Variants in BBC3 observed in about 807,000 individuals in gnomAD.
BBC3 encodes BCL2 binding component 3.
Under a neutral mutation model 18.2 loss-of-function variants are expected in BBC3, and 5 were observed. That is an observed-to-expected ratio of 0.27 (90% confidence interval 0.14 to 0.58). The LOEUF is 0.58. Among genes scored for constraint, BBC3 ranks in the 20% least tolerant of loss-of-function variants. The pLI is 0.91. For missense variants in BBC3, 224 were observed against 268.9 expected (o/e 0.83, Z 1.17); for synonymous variants, 119 against 128.0 (o/e 0.93, Z 0.47).
chr19:47,224,983 C>G (rs944366560), intron 3 of BBC3, among the ~76,000 whole-genome samples: 1 of 151,968 alleles, frequency 6.6e-6, no homozygotes, highest in Non-Finnish European at 1.5e-5. Flanking sequence ...ACGATCTCGG[C>G]TCACCGCAAC....
At position 47,221,474 on chromosome 19, in the gene BBC3, A is replaced by C. The variant is rs1353263997; in HGVS notation, c.*328T>G. On this transcript the variant is annotated 3_prime_UTR_variant, in exon 4 of 4. Coordinates refer to ENST00000439096, the MANE Select transcript of BBC3 (RefSeq NM_014417.5). ...CTGCAGCTGGAACGGGCACCAGCAC[A>C]ACAGCCTTTCCTGAGATGGTGGTGG... is the stretch of plus-strand genomic sequence containing the variant. 7.4e-6 allele frequency: 2 copies of C among 270,480 alleles called. No individual in the cohort carries two copies. Among genetic ancestry groups the C allele is most frequent in the South Asian group, 4.3e-5 (1 of 23,152 alleles). The allele number at this position is 270,480 out of a possible 1,614,324, so 16.8% of individuals were successfully genotyped here. A position where few individuals can be genotyped will look rare whatever the true frequency, so the allele number is the denominator to read the frequency against.
In BBC3 at chr19:47,230,886, T is replaced by A; in HGVS notation, c.-16+43A>T. 5.1e-6 allele frequency: 5 copies of A among 981,208 alleles called. No homozygotes were observed. The highest frequency in any genetic ancestry group is 6.1e-6 in the Non-Finnish European group (5 of 826,356). 60.8% of individuals were successfully genotyped at this position (981,208 alleles called of 1,614,324 possible). On this transcript the variant is annotated intron_variant, in intron 1 of 3. Transcript: ENST00000439096. This position sits in a 1 kb window ranked among gnomAD's most constrained non-coding sequence, Gnocchi z 6.7. ...CCTCCTCCAGGGAGTCCACCCGGCC[T>A]GGCCGATCGCCGCCGGAGAGGATTC...
At position 47,227,505 on chromosome 19, in the gene BBC3, C is replaced by G. The variant is rs1218410842; in HGVS notation, c.274+653G>C. ...TAGGGAAGTTTTCTCTTTCCTCGCT[C>G]CCCTTGGGCTGCCGGGACAAGATGG... On this transcript the variant is annotated intron_variant, in intron 2 of 3. Coordinates refer to ENST00000439096, the MANE Select transcript of BBC3 (RefSeq NM_014417.5). 2.0e-5 allele frequency among the ~76,000 whole-genome samples: 3 copies of G among 152,168 alleles called. 1 individual carries two copies. The highest frequency in any genetic ancestry group is 4.4e-5 in the Non-Finnish European group (3 of 68,020).
intron 3 of BBC3, among the ~76,000 whole-genome samples, chr19:47,224,864 A>T (rs2058793204): frequency 6.7e-6 from 1 of 149,956 alleles, no homozygotes; most frequent in Non-Finnish European, 1.5e-5. Context: ...TCAGTCTCCC[A>T]AGTAGCTGGG....
In BBC3 at chr19:47,221,787, G is replaced by A. The variant is rs752056442; in HGVS notation, c.*15C>T. 1.2e-6 allele frequency: 2 copies of A among 1,610,238 alleles called. No individual in the cohort carries two copies. Among genetic ancestry groups the A allele is most frequent in the South Asian group, 2.2e-5 (2 of 90,832 alleles). On this transcript the variant is annotated 3_prime_UTR_variant, in exon 4 of 4. Transcript: ENST00000439096. ...CCCCCCGAGTCCCTGACGTCCACCG[G>A]GCGGGTGCAGGCACCTAATTGGGCT... is the stretch of plus-strand genomic sequence containing the variant.
chr19:47,224,762 A>AT (rs1293051805), intron 3 of BBC3, among the ~76,000 whole-genome samples: 2 of 140,130 alleles, frequency 1.4e-5, no homozygotes, highest in South Asian at 2.2e-4. Flanking sequence ...ACAGAGTTTC[A>AT]TTCTGTCCTC....
chr19:47,227,652 T>C (rs2058851662), intron 2 of BBC3, among the ~76,000 whole-genome samples: 1 of 150,704 alleles, frequency 6.6e-6, no homozygotes, highest in African/African-American at 2.4e-5. Context: ...TCCCCAAGAC[T>C]CCCCCACCTC....
chr19:47,230,617 A>AC lies in BBC3; in HGVS notation c.-16+311dup. 1.7e-6 allele frequency: 1 copy of AC among 596,976 alleles called. No homozygotes were observed. Among genetic ancestry groups the AC allele is most frequent in the South Asian group, 7.4e-5 (1 of 13,482 alleles). The allele number at this position is 596,976 out of a possible 1,614,324, so 37.0% of individuals were successfully genotyped here. A position where few individuals can be genotyped will look rare whatever the true frequency, so the allele number is the denominator to read the frequency against. On this transcript the variant is annotated intron_variant, in intron 1 of 3. Coordinates refer to ENST00000439096, the MANE Select transcript of BBC3 (RefSeq NM_014417.5). The surrounding 1 kb of genome is among the most constrained non-coding windows in gnomAD (Gnocchi z 6.7). ...CCTCCCGGACTTTGGGGGCTGGGGCACCCCTGGGGTCGACCCTCTTCCCCG... is the reference window on the plus strand; with the variant it reads ...CCTCCCGGACTTTGGGGGCTGGGGCACCCCCTGGGGTCGACCCTCTTCCCCG...
At chr19:47,232,775 G>T, upstream of BBC3, 1 of 533,932 alleles carries the variant, frequency 1.9e-6, no homozygotes, top group Non-Finnish European at 3.3e-6. Flanking sequence ...TCACCAGAGT[G>T]ACTCACCTTC....
upstream of BBC3, chr19:47,232,536 ACGT>A: frequency 3.2e-6 from 5 of 1,548,890 alleles, no homozygotes; most frequent in Non-Finnish European, 4.4e-6. Flanking sequence ...CAGGGGACCC[ACGT>A]CGTGGAAGCA....
At chr19:47,222,177 C>T (rs2058759959) in intron 3 of BBC3, 1 of 419,192 alleles carries the variant, frequency 2.4e-6, no homozygotes, top group African/African-American at 2.0e-5. Context: ...GCTGTGACTG[C>T]CCCGTCTCTG....
Position 47,221,639 on chromosome 19 carries a change from C to T in BBC3, c.*163G>A. The T allele has an allele frequency of 7.0e-7, 1 of 1,432,806 alleles. No individual in the cohort carries two copies. The highest frequency in any genetic ancestry group is 9.3e-7 in the Non-Finnish European group (1 of 1,070,050). 88.8% of individuals were successfully genotyped at this position (1,432,806 alleles called of 1,614,324 possible). A position where few individuals can be genotyped will look rare whatever the true frequency, so the allele number is the denominator to read the frequency against. ...CTCCGTCAGTGCACCCCAGGCTGGG[C>T]TGGGGCTGGAGTGGCTGCCCCGGCC... On this transcript the variant is annotated 3_prime_UTR_variant, in exon 4 of 4. Transcript: ENST00000439096.
intron 3 of BBC3, among the ~76,000 whole-genome samples, chr19:47,225,037 G>A (rs543954980): frequency 1.3e-5 from 2 of 151,732 alleles, no homozygotes; most frequent in Non-Finnish European, 2.9e-5. Context: ...TCAGCCTCCC[G>A]AGTAGCTGAG....
Position 47,228,191 on chromosome 19 carries a change from G to GACCCCCAGGCCAGCGGGA in BBC3, c.223_240dup (p.Ser75_Gly80dup), listed in dbSNP as rs2058861853. 2.9e-5 allele frequency: 33 copies of GACCCCCAGGCCAGCGGGA among 1,145,078 alleles called. No individual in the cohort carries two copies. Among genetic ancestry groups the GACCCCCAGGCCAGCGGGA allele is most frequent in the Non-Finnish European group, 3.3e-5 (31 of 935,610 alleles). 70.9% of individuals were successfully genotyped at this position (1,145,078 alleles called of 1,614,324 possible). A position where few individuals can be genotyped will look rare whatever the true frequency, so the allele number is the denominator to read the frequency against. On this transcript the variant is annotated inframe_insertion, in exon 2 of 4. Transcript: ENST00000439096. This position sits in a 1 kb window ranked among gnomAD's most constrained non-coding sequence, Gnocchi z 5.5. Reference sequence around the variant, plus strand: ...CGCGGGCCTCGGGGCCGGCTGCGGGGACCCCCAGGCCAGCGGGAACCCCCC... The same window carrying GACCCCCAGGCCAGCGGGA: ...CGCGGGCCTCGGGGCCGGCTGCGGGGACCCCCAGGCCAGCGGGAACCCCCAGGCCAGCGGGAACCCCCC...
At chr19:47,231,200 A>T, upstream of BBC3, 1 of 982,018 alleles carries the variant, frequency 1.0e-6, no homozygotes, top group Non-Finnish European at 1.2e-6. The surrounding 1 kb of genome is among the most constrained non-coding windows in gnomAD (Gnocchi z 4.0). Flanking sequence ...GCCGCGTCTC[A>T]GGCCGCCCGG....
chr19:47,232,455 G>A (rs2058923601), upstream of BBC3: 1 of 1,452,198 alleles, frequency 6.9e-7, no homozygotes, highest in Middle Eastern at 1.7e-4. Flanking sequence ...ACCTGTGACA[G>A]CTTCTTGCTA....
rs1344779984 is a variant in BBC3 at position 47,230,489 on chromosome 19, C to A, written c.-16+440G>T. 6.6e-6 allele frequency among the ~76,000 whole-genome samples: 1 copy of A among 151,066 alleles called. No homozygotes were observed. The highest frequency in any genetic ancestry group is 1.5e-5 in the Non-Finnish European group (1 of 67,670). ...GCTGTTGCTGGGGCGCAGCCCCCGC[C>A]CGCAGGAGCCGCAGACTCCACGGCC... On this transcript the variant is annotated intron_variant, in intron 1 of 3. Coordinates refer to ENST00000439096, the MANE Select transcript of BBC3 (RefSeq NM_014417.5). This position sits in a 1 kb window ranked among gnomAD's most constrained non-coding sequence, Gnocchi z 6.7.
chr19:47,232,695 T>C (rs2058926386), upstream of BBC3: 2 of 1,206,894 alleles, frequency 1.7e-6, no homozygotes. Flanking sequence ...CCTTCCTTTT[T>C]CCAAAGCCGT....
Position 47,221,673 on chromosome 19 carries a change from G to A in BBC3, c.*129C>T. ...GAGTGGCTGCCCCGGCCCGCCCCCG[G>A]GACAGGCAGGGCTGGGAGTCCAGTA... On this transcript the variant is annotated 3_prime_UTR_variant, in exon 4 of 4. Transcript: ENST00000439096. The A allele has an allele frequency of 6.5e-7, 1 of 1,530,062 alleles. No individual in the cohort carries two copies. Among genetic ancestry groups the A allele is most frequent in the Non-Finnish European group, 8.7e-7 (1 of 1,144,598 alleles). The allele number at this position is 1,530,062 out of a possible 1,614,324, so 94.8% of individuals were successfully genotyped here. A position where few individuals can be genotyped will look rare whatever the true frequency, so the allele number is the denominator to read the frequency against.
Sources: gnomAD v4.1 joint callset for allele counts (sites outside exome capture counted in the v4.1 genomes callset) on GRCh38, gnomAD v4.1.1 for gene constraint, Gnocchi (gnomAD v3.1) non-coding constraint, MANE v1.5 for transcripts, NCBI Gene and HGNC (gene_info 2026-07-23, HGNC 2026-07-21) for gene names.